TCF7L2: variants seen among roughly 807,000 people sequenced by gnomAD.
The protein encoded by TCF7L2 is transcription factor 7 like 2, also known as transcription factor 7-like 2.
In TCF7L2, 23 loss-of-function variants were observed where a neutral mutation model predicts 77.9. The ratio of observed to expected loss-of-function variants is 0.30; its 90% CI spans 0.21 to 0.42. TCF7L2 has a LOEUF of 0.42. Ranked by LOEUF, TCF7L2 falls within the 10% of genes least tolerant of loss-of-function variation. TCF7L2 has a pLI of 1.00. For synonymous variants in TCF7L2, 413 were observed against 340.2 expected, an observed-to-expected ratio of 1.21 and a Z score of -2.36; for missense variants, 654 against 793.1, an observed-to-expected ratio of 0.82 and a Z score of 2.11.
chr10:113,165,720 G>T lies in TCF7L2; in HGVS notation c.1557G>T (p.Leu519=). 6.2e-7 allele frequency: 1 copy of T among 1,609,378 alleles called. No homozygotes were observed. ...CTGAGCAGACCCAGCCTCTGTCGCT[G>T]TCCCTGAAGCCCGACCCCCTGGCCC... is the stretch of plus-strand genomic sequence containing the variant. The change falls in exon 14 of 14, where the codon CTG becomes CTT. Residue 519 remains leucine (L), a synonymous_variant. Transcript: ENST00000627217.
At chr10:113,034,848 C>G (rs575911327) in intron 4 of TCF7L2, among the ~76,000 whole-genome samples, 1 of 152,216 alleles carries the variant, frequency 6.6e-6, no homozygotes, top group African/African-American at 2.4e-5. Context: ...GTGAGTCGAG[C>G]TTGCGTCACT....
chr10:113,043,143 A>C (rs924233307), intron 5 of TCF7L2, among the ~76,000 whole-genome samples: 2 of 152,256 alleles, frequency 1.3e-5, no homozygotes, highest in Non-Finnish European at 2.9e-5. Context: ...TCGCTTGAAG[A>C]ATAGGGATGT....
rs535169101 is a variant in TCF7L2 at position 113,055,890 on chromosome 10, A to G, written c.552+15764A>G. Among the ~76,000 whole-genome samples the G allele has an allele frequency of 6.6e-5, 10 of 152,386 alleles. No individual in the cohort carries two copies. The East Asian group carries it at 1.7e-3, about 26-fold the overall frequency. ...GCAGGAATTCTGATTTTGAGTGGAC[A>G]TCTGCTCTCTAACAGTCACATTGAA... is the stretch of plus-strand genomic sequence containing the variant. On this transcript the variant is annotated intron_variant, in intron 5 of 13. Transcript: ENST00000627217.
intron 4 of TCF7L2, among the ~76,000 whole-genome samples, chr10:112,995,089 G>T (rs565855914): frequency 3.9e-5 from 6 of 152,136 alleles, no homozygotes; most frequent in Middle Eastern, 3.2e-3. Flanking sequence ...CAACAAGAGC[G>T]AAACTGTGTC....
intron 5 of TCF7L2, chr10:113,132,105 C>G (rs1005716483): frequency 6.6e-6 from 1 of 152,206 alleles, no homozygotes; most frequent in Non-Finnish European, 1.5e-5. Context: ...CCTTTGTGTT[C>G]GTCTTCCTTT....
At chr10:113,160,052 C>A in intron 12 of TCF7L2, 60 bp downstream of exon 14, 4 of 1,485,356 alleles carry the variant, frequency 2.7e-6, no homozygotes, top group Non-Finnish European at 3.8e-6. Flanking sequence ...CGATCCTCTC[C>A]CCCTTCTCTG....
Position 112,974,624 on chromosome 10 carries a change from T to C in TCF7L2, c.450+10000T>C, listed in dbSNP as rs899599721. Among the ~76,000 whole-genome samples, 3 of 152,096 alleles carry C rather than the reference T, an allele frequency of 2.0e-5. No homozygotes were observed. In the East Asian group the frequency reaches 5.8e-4, roughly 29 times the overall value. On this transcript the variant is annotated intron_variant, in intron 4 of 13. Coordinates refer to ENST00000627217, the MANE Select transcript of TCF7L2 (RefSeq NM_001146274.2). ...TGCCTGGCTAATTTTTTTGTATTTT[T>C]AGTAGAGACGGGGTTTCACCATCTT... is the stretch of plus-strand genomic sequence containing the variant.
In TCF7L2 at chr10:113,010,480, C is replaced by T. The variant is rs983534845; in HGVS notation, c.451-29545C>T. On this transcript the variant is annotated intron_variant, in intron 4 of 13. Coordinates refer to ENST00000627217, the MANE Select transcript of TCF7L2 (RefSeq NM_001146274.2). Reference sequence around the variant, plus strand: ...GCTCTGAGTCCTATGCGTTCTGTGCCGAACACCCATGAAGCAGTCTTCCAA... The same window carrying T: ...GCTCTGAGTCCTATGCGTTCTGTGCTGAACACCCATGAAGCAGTCTTCCAA... Among the ~76,000 whole-genome samples, 3 of 152,124 alleles carry T rather than the reference C, an allele frequency of 2.0e-5. No homozygotes were observed. In the South Asian group the frequency reaches 6.2e-4, roughly 32 times the overall value.
chr10:113,044,448 A>G (rs549710713), intron 5 of TCF7L2, among the ~76,000 whole-genome samples: 27 of 152,088 alleles, frequency 1.8e-4, no homozygotes, highest in Non-Finnish European at 2.9e-4. Flanking sequence ...TTTCGATGGG[A>G]TGTTTGACCT....
chr10:113,069,170 G>A (rs772511560), intron 5 of TCF7L2, among the ~76,000 whole-genome samples: 41 of 152,158 alleles, frequency 2.7e-4, no homozygotes, highest in Non-Finnish European at 1.8e-4. Flanking sequence ...GATGGTGGTT[G>A]CGGTGGGCGC....
intron 5 of TCF7L2, chr10:113,126,918 G>C (rs2065734233): frequency 3.6e-5 from 35 of 985,566 alleles, no homozygotes; most frequent in Non-Finnish European, 4.2e-5. Flanking sequence ...GGGCAGGGGT[G>C]CGCGGTGGCC....
rs182456058 is a variant in TCF7L2, at chr10:113,045,369, A to G, written c.552+5243A>G. ...GTCGTGGGAGTCAGGATGTGAAACA[A>G]GGCACCCTGGCTCCAGAGCACACCG... On this transcript the variant is annotated intron_variant, in intron 5 of 13. Transcript: ENST00000627217. 1.7e-4 allele frequency among the ~76,000 whole-genome samples: 26 copies of G among 152,280 alleles called. 1 individual carries two copies. The East Asian group carries it at 4.4e-3, about 26-fold the overall frequency.
intron 4 of TCF7L2, among the ~76,000 whole-genome samples, chr10:113,022,114 T>C (rs2048350427): frequency 6.6e-6 from 1 of 152,248 alleles, no homozygotes; most frequent in Non-Finnish European, 1.5e-5. Context: ...TTTTGTTTTC[T>C]GTTTTCCTTT....
intron 4 of TCF7L2, among the ~76,000 whole-genome samples, chr10:113,035,227 C>G (rs1380382712): frequency 6.6e-6 from 1 of 152,154 alleles, no homozygotes; most frequent in Admixed American, 6.5e-5. Context: ...TTGAGTTAAT[C>G]CGAAACGTTG....
intron 4 of TCF7L2, among the ~76,000 whole-genome samples, chr10:112,996,330 G>A (rs1227248882): frequency 6.6e-6 from 1 of 152,182 alleles, no homozygotes; most frequent in East Asian, 1.9e-4. Context: ...AAAAGATGCT[G>A]CTTTCGGTGA....
chr10:113,070,235 A>G lies in TCF7L2; in HGVS notation c.552+30109A>G, dbSNP rs1435911927. Reference sequence around the variant, plus strand: ...GGTGCCACTGCACTCCAGCCTGGCGACAGAGTGAGACTCCGTCTTAAAAAA... The same window carrying G: ...GGTGCCACTGCACTCCAGCCTGGCGGCAGAGTGAGACTCCGTCTTAAAAAA... On this transcript the variant is annotated intron_variant, in intron 5 of 13. Coordinates refer to ENST00000627217, the MANE Select transcript of TCF7L2 (RefSeq NM_001146274.2). 2.1e-5 allele frequency among the ~76,000 whole-genome samples: 3 copies of G among 142,844 alleles called. No homozygotes were observed. The East Asian group carries it at 6.3e-4, about 30-fold the overall frequency. 93.7% of individuals were successfully genotyped at this position (142,844 alleles called of 152,430 possible). A position where few individuals can be genotyped will look rare whatever the true frequency, so the allele number is the denominator to read the frequency against.
intron 4 of TCF7L2, among the ~76,000 whole-genome samples, chr10:113,003,924 C>G (rs1398805102): frequency 6.6e-6 from 1 of 152,182 alleles, no homozygotes; most frequent in Non-Finnish European, 1.5e-5. Flanking sequence ...AGAGGAGCAC[C>G]TTTTGAGTGC....
chr10:113,107,418 C>A (rs2136015593), intron 5 of TCF7L2, among the ~76,000 whole-genome samples: 1 of 152,176 alleles, frequency 6.6e-6, no homozygotes, highest in Non-Finnish European at 1.5e-5. Context: ...TTGACTGATA[C>A]CCAAGCCTTG....
chr10:113,037,065 G>A (rs1280865555), intron 4 of TCF7L2, among the ~76,000 whole-genome samples: 1 of 152,130 alleles, frequency 6.6e-6, no homozygotes, highest in African/African-American at 2.4e-5. Flanking sequence ...CCTCTAGGCT[G>A]TAATAGTACC....
Sources: gnomAD v4.1 joint callset for allele counts (sites outside exome capture counted in the v4.1 genomes callset) on GRCh38, gnomAD v4.1.1 for gene constraint, MANE v1.5 for transcripts, NCBI Gene and HGNC (gene_info 2026-07-23, HGNC 2026-07-21) for gene names.